Variants in SLC49A4 observed in about 807,000 individuals in gnomAD.
SLC49A4 encodes solute carrier family 49 member 4, also known as disrupted in renal cancer protein 2.
SLC49A4 carries 36 observed loss-of-function variants against 50.6 expected under a neutral mutation model. The observed-to-expected ratio is 0.71, with a 90% confidence interval of 0.55 to 0.94. The LOEUF (loss-of-function observed/expected upper bound fraction) is 0.94, where lower values mean the gene tolerates loss of function less well. Ranked by LOEUF, SLC49A4 falls within the 40% of genes least tolerant of loss-of-function variation. The pLI is 0.00. For missense variants in SLC49A4, 503 were observed against 605.7 expected, an observed-to-expected ratio of 0.83 and a Z score of 1.78; for synonymous variants, 248 against 241.2, an observed-to-expected ratio of 1.03 and a Z score of -0.26.
chr3:122,795,083 G>A lies in SLC49A4; in HGVS notation c.-110G>A. The A allele has an allele frequency of 8.4e-7, 1 of 1,195,220 alleles. No individual in the cohort carries two copies. Among genetic ancestry groups the A allele is most frequent in the East Asian group, 3.3e-5 (1 of 30,440 alleles). 74.0% of individuals were successfully genotyped at this position (1,195,220 alleles called of 1,614,324 possible). A position where few individuals can be genotyped will look rare whatever the true frequency, so the allele number is the denominator to read the frequency against. The stretch of plus-strand genomic sequence containing the variant: ...GCACCAGGCGCGGTCCGGAGGCCGA[G>A]GGCGACCACAGCAGCCTCCGCCTCC... On this transcript the variant is annotated 5_prime_UTR_variant, in exon 1 of 9. Coordinates refer to ENST00000261038, the MANE Select transcript of SLC49A4 (RefSeq NM_032839.3).
chr3:122,877,182 G>A (rs1032952928), intron 8 of SLC49A4, among the ~76,000 whole-genome samples: 1 of 152,156 alleles, frequency 6.6e-6, no homozygotes, highest in African/African-American at 2.4e-5. Context: ...TCATTTCCTT[G>A]CTTATTAGAG....
At chr3:122,812,199 C>T (rs747344055) in intron 2 of SLC49A4, among the ~76,000 whole-genome samples, 23 of 152,150 alleles carry the variant, frequency 1.5e-4, no homozygotes, top group Non-Finnish European at 2.8e-4. Context: ...TAGTGATCCT[C>T]CCATCTCAGC....
intron 4 of SLC49A4, among the ~76,000 whole-genome samples, chr3:122,838,101 C>G (rs1936716111): frequency 6.6e-6 from 1 of 151,794 alleles, no homozygotes; most frequent in Non-Finnish European, 1.5e-5. Context: ...CACTTTTACA[C>G]TGTTGGTGGG....
intron 5 of SLC49A4, among the ~76,000 whole-genome samples, chr3:122,854,764 C>G (rs1294284190): frequency 6.6e-6 from 1 of 152,198 alleles, no homozygotes; most frequent in Non-Finnish European, 1.5e-5. Context: ...GTTTGGTGGA[C>G]AGCTGGCAAT....
chr3:122,822,725 A>G (rs1344173818), intron 2 of SLC49A4, among the ~76,000 whole-genome samples: 2 of 151,964 alleles, frequency 1.3e-5, no homozygotes, highest in Non-Finnish European at 2.9e-5. Flanking sequence ...CTCCTTCTCA[A>G]TCATCTTGCT....
chr3:122,845,576 C>T (rs1456591375), intron 4 of SLC49A4, among the ~76,000 whole-genome samples, 187 bp from the exon 5 acceptor site: 2 of 141,918 alleles, frequency 1.4e-5, no homozygotes, highest in African/African-American at 2.6e-5. Context: ...AGTATATATG[C>T]GTTTCCTTTT....
intron 4 of SLC49A4, among the ~76,000 whole-genome samples, chr3:122,843,845 G>A (rs1936812469): frequency 6.6e-6 from 1 of 152,130 alleles, no homozygotes; most frequent in Non-Finnish European, 1.5e-5. Flanking sequence ...CTTTCATCAG[G>A]AGGCGTATAA....
At chr3:122,838,709 T>A (rs980218547) in intron 4 of SLC49A4, among the ~76,000 whole-genome samples, 1 of 151,338 alleles carries the variant, frequency 6.6e-6, no homozygotes, top group Non-Finnish European at 1.5e-5. Flanking sequence ...AGTATAATAA[T>A]AATAAAATAA....
intron 7 of SLC49A4, among the ~76,000 whole-genome samples, chr3:122,868,654 C>T (rs547310789): frequency 6.6e-6 from 1 of 152,352 alleles, no homozygotes; most frequent in South Asian, 2.1e-4. Context: ...GACACAGCTA[C>T]CTTCCCCCAT....
chr3:122,818,879 G>A (rs923250384), intron 2 of SLC49A4, among the ~76,000 whole-genome samples: 1 of 151,854 alleles, frequency 6.6e-6, no homozygotes, highest in African/African-American at 2.4e-5. Flanking sequence ...GGAGACAGAG[G>A]TTGCAGTGAG....
At chr3:122,802,999 A>G (rs998624571) in intron 1 of SLC49A4, among the ~76,000 whole-genome samples, 44 of 152,304 alleles carry the variant, frequency 2.9e-4, no homozygotes, top group African/African-American at 9.4e-4. Context: ...CAGGGAGAGC[A>G]TGGAGTGAGA....
Position 122,845,861 on chromosome 3 carries a change from A to C in SLC49A4, c.932A>C (p.His311Pro). 6.2e-7 allele frequency: 1 copy of C among 1,605,476 alleles called. No individual in the cohort carries two copies. Among genetic ancestry groups the C allele is most frequent in the Non-Finnish European group, 8.5e-7 (1 of 1,174,982 alleles). The change falls in exon 5 of 9, where the codon CAT becomes CCT. Residue 311 changes from histidine (H) to proline (P), a missense_variant. His to Pro is a moderately conservative substitution (Grantham distance 77). Coordinates refer to ENST00000261038, the MANE Select transcript of SLC49A4 (RefSeq NM_032839.3). ...GVLDLILTPAHVSQVDAGWIG... is the reference protein window; with the variant it reads ...GVLDLILTPAPVSQVDAGWIG... ...CTGGACTTAATTTTAACACCAGCGC[A>C]TGTCAGCCAAGTAAGTATTTTATTT...
intron 7 of SLC49A4, among the ~76,000 whole-genome samples, chr3:122,863,528 A>AG (rs1395336753): frequency 6.6e-6 from 1 of 152,248 alleles, no homozygotes; most frequent in African/African-American, 2.4e-5. Context: ...AATATGTCAC[A>AG]GATACCCTTA....
chr3:122,875,386 T>A (rs918252401), intron 8 of SLC49A4, among the ~76,000 whole-genome samples: 1 of 152,172 alleles, frequency 6.6e-6, no homozygotes, highest in Non-Finnish European at 1.5e-5. Context: ...GGTCTTGCTC[T>A]GTCACCCAGT....
intron 1 of SLC49A4, among the ~76,000 whole-genome samples, chr3:122,803,643 G>A (rs772391798): frequency 6.6e-6 from 1 of 152,172 alleles, no homozygotes; most frequent in Non-Finnish European, 1.5e-5. Flanking sequence ...GTGGAGCCAC[G>A]GGAGGGTGGT....
Position 122,845,755 on chromosome 3 carries a change from A to G in SLC49A4, c.834-8A>G. On this transcript the variant is annotated splice_polypyrimidine_tract_variant and splice_region_variant and intron_variant, in intron 4 of 8. Coordinates refer to ENST00000261038, the MANE Select transcript of SLC49A4 (RefSeq NM_032839.3). ...GTTACAATGTTTCCTTTTATTTCTCATTCACAGCAATTTTCGATTTTTGAT... is the reference window on the plus strand; with the variant it reads ...GTTACAATGTTTCCTTTTATTTCTCGTTCACAGCAATTTTCGATTTTTGAT... The G allele has an allele frequency of 6.5e-7, 1 of 1,534,704 alleles. No homozygotes were observed. Among genetic ancestry groups the G allele is most frequent in the Non-Finnish European group, 8.9e-7 (1 of 1,127,828 alleles).
At chr3:122,835,511 A>G (rs1213112531) in intron 4 of SLC49A4, among the ~76,000 whole-genome samples, 1 of 152,298 alleles carries the variant, frequency 6.6e-6, no homozygotes, top group African/African-American at 2.4e-5. Flanking sequence ...AACAACAAAA[A>G]CAGTATGATC....
At chr3:122,808,385 C>G (rs1308803505) in intron 2 of SLC49A4, among the ~76,000 whole-genome samples, 1 of 152,062 alleles carries the variant, frequency 6.6e-6, no homozygotes. Flanking sequence ...AAAGAAAAAC[C>G]TAACTGGGAA....
intron 2 of SLC49A4, among the ~76,000 whole-genome samples, chr3:122,808,455 A>G (rs1401451433): frequency 2.6e-5 from 4 of 152,198 alleles, no homozygotes; most frequent in Admixed American, 2.0e-4. Context: ...TCTAGGAATC[A>G]AGCATTATAT....
Sources: gnomAD v4.1 joint callset for allele counts (sites outside exome capture counted in the v4.1 genomes callset) on GRCh38, gnomAD v4.1.1 for gene constraint, MANE v1.5 for transcripts, NCBI Gene and HGNC (gene_info 2026-07-23, HGNC 2026-07-21) for gene names.